Variants in AGRN observed in about 807,000 individuals in gnomAD.
AGRN encodes agrin, also known as agrin proteoglycan.
AGRN carries 106 observed loss-of-function variants against 211.0 expected under a neutral mutation model. The observed-to-expected ratio is 0.50, with a 90% CI of 0.43 to 0.59. The LOEUF is 0.59. Among genes scored for constraint, AGRN ranks in the 20% least tolerant of loss-of-function variants. AGRN has a pLI of 0.00. For missense variants in AGRN, 3,040 were observed against 2,982.6 expected (o/e 1.02, Z -0.45); for synonymous variants, 1,525 against 1,332.5 (o/e 1.14, Z -3.15).
At chr1:1,035,439 T>C in intron 3 of AGRN, 115 bp downstream of exon 3, 1 of 1,390,272 alleles carries the variant, frequency 7.2e-7, no homozygotes, top group Non-Finnish European at 1.0e-6. Context: ...AGGAGGAGGC[T>C]GGACAAGGGC....
intron 2 of AGRN, among the ~76,000 whole-genome samples, chr1:1,025,915 G>A (rs1206155363): frequency 6.6e-6 from 1 of 152,166 alleles, no homozygotes; most frequent in Admixed American, 6.5e-5. Context: ...TCGGGGCTCG[G>A]TGCTTCCCGC....
In AGRN at chr1:1,020,217, G is replaced by T. The variant is rs115173026; in HGVS notation, c.45G>T (p.Pro15=). 0.33 allele frequency: 460,451 copies of T among 1,393,132 alleles called. 77,454 individuals carry two copies. Among genetic ancestry groups the T allele is most frequent in the Non-Finnish European group, 0.34 (366,129 of 1,075,180 alleles). The allele number at this position is 1,393,132 out of a possible 1,614,324, so 86.3% of individuals were successfully genotyped here. The change falls in exon 1 of 36, where the codon CCG becomes CCT. Residue 15 remains proline (P), a synonymous_variant. Transcript: ENST00000379370. ...CGGGCCCGCTGCGGCCGCTGCTGCC[G>T]CTCCTTGTGGTGGCCGCGTGCGTCC... ...SHPGPLRPLL[P]LLVVAACVLP...
rs1478222757 is a variant in AGRN at position 1,032,589 on chromosome 1, C to T, written c.464-2688C>T. 3.3e-5 allele frequency among the ~76,000 whole-genome samples: 5 copies of T among 152,070 alleles called. No homozygotes were observed. Among genetic ancestry groups the T allele is most frequent in the African/African-American group, 9.7e-5 (4 of 41,382 alleles). On this transcript the variant is annotated intron_variant, in intron 2 of 35. Transcript: ENST00000379370. The surrounding 1 kb of genome is among the most constrained non-coding windows in gnomAD (Gnocchi z 4.7). ...GAGGTGAGGCCTGGGTGTGACCACG[C>T]GGTGGCACTGGTGGCTGCCGGCAGC...
Position 1,050,469 on chromosome 1 carries a change from C to T in AGRN, c.5019C>T (p.Pro1673=), listed in dbSNP as rs140300000. ...AGGTCGTGTTCCTGGCACGAGGCCC[C>T]AGCGGCCTCCTGCTCTACAACGGGC... The part of the protein sequence containing the change: ...ALEVVFLARG[P]SGLLLYNGQK... Residue 1673 remains proline, a synonymous_variant, in exon 29 of 36, where the codon CCC becomes CCT. Coordinates refer to ENST00000379370, the MANE Select transcript of AGRN (RefSeq NM_198576.4). The T allele has an allele frequency of 1.9e-6, 3 of 1,612,818 alleles. No individual in the cohort carries two copies. In the African/African-American group the frequency reaches 4.0e-5, roughly 22 times the overall value.
Position 1,051,246 on chromosome 1 carries a change from C to T in AGRN, c.5254-7C>T. ...TCTGCACAGCCACTTACCTGGCGTC[C>T]CCGCAGGTTCCGCACACCGTCCTCA... On this transcript the variant is annotated splice_region_variant and splice_polypyrimidine_tract_variant and intron_variant, in intron 30 of 35. Transcript: ENST00000379370. 1 of 1,581,146 alleles carries T rather than the reference C, an allele frequency of 6.3e-7. No individual in the cohort carries two copies. The highest frequency in any genetic ancestry group is 1.3e-5 in the African/African-American group (1 of 74,404).
chr1:1,037,838 C>T (rs1465450586), intron 3 of AGRN, among the ~76,000 whole-genome samples: 4 of 152,130 alleles, frequency 2.6e-5, no homozygotes, highest in Non-Finnish European at 5.9e-5. Flanking sequence ...GGAGACATCT[C>T]GGGGCGTGGC....
In AGRN at chr1:1,045,030, C is replaced by CCGGGCTCCT. The variant is rs1203730837; in HGVS notation, c.2255-129_2255-121dup. 5 of 976,878 alleles carry CCGGGCTCCT rather than the reference C, an allele frequency of 5.1e-6. No individual in the cohort carries two copies. The African/African-American group carries it at 6.5e-5, about 13-fold the overall frequency. 60.5% of individuals were successfully genotyped at this position (976,878 alleles called of 1,614,324 possible). A position where few individuals can be genotyped will look rare whatever the true frequency, so the allele number is the denominator to read the frequency against. Reference sequence around the variant, plus strand: ...CACCTGTGTCCTCAGCCCCAGGCTCCCGGGCTCCTCTGGGAGCTGGGATCG... The same window carrying CCGGGCTCCT: ...CACCTGTGTCCTCAGCCCCAGGCTCCCGGGCTCCTCGGGCTCCTCTGGGAGCTGGGATCG... On this transcript the variant is annotated intron_variant, in intron 12 of 35. Coordinates refer to ENST00000379370, the MANE Select transcript of AGRN (RefSeq NM_198576.4).
chr1:1,051,747 G>C lies in AGRN; in HGVS notation c.5583G>C (p.Ala1861=), dbSNP rs749446627. The change falls in exon 33 of 36, where the codon GCG becomes GCC. Residue 1861 remains alanine (A), a synonymous_variant. Coordinates refer to ENST00000379370, the MANE Select transcript of AGRN (RefSeq NM_198576.4). ...TCACAGGGCTGGTGGAGAAGTCAGCGGGGGACGTGGATACCTTGGCCTTTG... is the reference window on the plus strand; with the variant it reads ...TCACAGGGCTGGTGGAGAAGTCAGCCGGGGACGTGGATACCTTGGCCTTTG... ...HCEKGLVEKS[A]GDVDTLAFDG... is the part of the protein sequence containing the mutation. 2 of 1,613,866 alleles carry C rather than the reference G, an allele frequency of 1.2e-6. No homozygotes were observed. The highest frequency in any genetic ancestry group is 2.2e-5 in the South Asian group (2 of 91,086).
In AGRN at chr1:1,049,859, C is replaced by T. The variant is rs115192323; in HGVS notation, c.4745-44C>T. 8.7e-3 allele frequency: 13,974 copies of T among 1,611,396 alleles called. 807 individuals are homozygous for T. The African/African-American group carries it at 0.15, about 17-fold the overall frequency. On this transcript the variant is annotated intron_variant, in intron 26 of 35. Transcript: ENST00000379370. ...GGGCCTGTGGGCGGTACCCAACCGACGCCTCCTGGGACCTCGGTCCCGGTC... is the reference window on the plus strand; with the variant it reads ...GGGCCTGTGGGCGGTACCCAACCGATGCCTCCTGGGACCTCGGTCCCGGTC...
In AGRN at chr1:1,053,990, C is replaced by G. The variant is rs1047046075; in HGVS notation, c.5876+13C>G. On this transcript the variant is annotated intron_variant, in intron 34 of 35. Transcript: ENST00000379370. ...TCGTGGCACATAGGTGAGTAGGGAA[C>G]CCAGCGTGCCGAGAATAGTGGCGAG... 1.3e-6 allele frequency: 2 copies of G among 1,582,458 alleles called. No individual in the cohort carries two copies. Among genetic ancestry groups the G allele is most frequent in the Non-Finnish European group, 1.7e-6 (2 of 1,164,842 alleles).
Position 1,041,304 on chromosome 1 carries a change from A to T in AGRN, c.859A>T (p.Ser287Cys). The change falls in exon 5 of 36, where the codon AGC (serine) becomes TGC (cysteine). Residue 287 changes from serine to cysteine, a missense_variant. By Grantham distance (112) the Ser-to-Cys change is moderately radical. Transcript: ENST00000379370. ...RGAPEGTVCGSDGADYPGECQ... is the reference protein window; with the variant it reads ...RGAPEGTVCGCDGADYPGECQ... The stretch of plus-strand genomic sequence containing the variant: ...CGCCCCCGAGGGGACCGTCTGCGGC[A>T]GCGACGGCGCCGACTACCCCGGCGA... 6.6e-7 allele frequency: 1 copy of T among 1,518,438 alleles called. No individual in the cohort carries two copies. Among genetic ancestry groups the T allele is most frequent in the South Asian group, 1.2e-5 (1 of 82,608 alleles). The allele number at this position is 1,518,438 out of a possible 1,614,324, so 94.1% of individuals were successfully genotyped here. A position where few individuals can be genotyped will look rare whatever the true frequency, so the allele number is the denominator to read the frequency against.
At chr1:1,047,929 C>T (rs1471299280) in intron 22 of AGRN, 34 bp downstream of exon 22, 4 of 1,601,712 alleles carry the variant, frequency 2.5e-6, no homozygotes, top group African/African-American at 1.3e-5. Context: ...AGCTTACCTG[C>T]CCCCTCCTCT....
chr1:1,033,129 C>G (rs1307758657), intron 2 of AGRN, among the ~76,000 whole-genome samples: 1 of 152,002 alleles, frequency 6.6e-6, no homozygotes, highest in Non-Finnish European at 1.5e-5. Flanking sequence ...CCCCACGGAC[C>G]CGCAGGGAGT....
At chr1:1,035,673 C>A (rs1378116761) in intron 3 of AGRN, among the ~76,000 whole-genome samples, 3 of 152,182 alleles carry the variant, frequency 2.0e-5, no homozygotes, top group African/African-American at 7.2e-5. Flanking sequence ...TATTGTCCTC[C>A]CTTCTCCCTG....
intron 2 of AGRN, among the ~76,000 whole-genome samples, chr1:1,030,236 C>T: frequency 1.3e-5 from 1 of 76,840 alleles, no homozygotes; most frequent in East Asian, 4.6e-4. Context: ...TGTGTGTGTG[C>T]AGTGCATGGT....
At position 1,021,751 on chromosome 1, in the gene AGRN, G is replaced by T. The variant is rs945421755; in HGVS notation, c.202-450G>T. 1.1e-4 allele frequency among the ~76,000 whole-genome samples: 16 copies of T among 152,372 alleles called. No individual in the cohort carries two copies. In the East Asian group the frequency reaches 2.5e-3, roughly 24 times the overall value. ...GACTGTAGAAGCCCGAGGAAGGGGCGTCTCAGCCCAGCCACAGGGCCAAGC... is the reference window on the plus strand; with the variant it reads ...GACTGTAGAAGCCCGAGGAAGGGGCTTCTCAGCCCAGCCACAGGGCCAAGC... On this transcript the variant is annotated intron_variant, in intron 1 of 35. Transcript: ENST00000379370.
At chr1:1,034,747 C>T (rs1240515308) in intron 2 of AGRN, 15 of 1,008,544 alleles carry the variant, frequency 1.5e-5, no homozygotes, top group Non-Finnish European at 1.8e-5. Context: ...AAGCCCCAAC[C>T]CCGAGGCCCC....
In AGRN at chr1:1,049,416, CTT is replaced by C; in HGVS notation, c.4481_4482del (p.Phe1494CysfsTer94). ...ACGGCCTCAACCTGGACACAGACCT[CTT>C]TGTGGGCGGCGTACCCGAGGACCAG... ...TDGLNLDTDL[F>X]VGGVPEDQAA... On this transcript the variant is annotated frameshift_variant, in exon 25 of 36. Transcript: ENST00000379370. LOFTEE classifies it high-confidence loss of function. The C allele has an allele frequency of 1.3e-6, 2 of 1,599,230 alleles. No homozygotes were observed. Among genetic ancestry groups the C allele is most frequent in the Non-Finnish European group, 1.7e-6 (2 of 1,179,732 alleles).
chr1:1,020,853 G>GTT (rs1553170892), intron 1 of AGRN, among the ~76,000 whole-genome samples: 2 of 150,934 alleles, frequency 1.3e-5, no homozygotes, highest in African/African-American at 4.8e-5. Context: ...GGTGCGGGGG[G>GTT]GGGGCGTGCA....
Sources: allele counts gnomAD v4.1 joint callset (sites outside exome capture counted in the v4.1 genomes callset), GRCh38; gene constraint gnomAD v4.1.1; non-coding constraint Gnocchi (gnomAD v3.1); transcripts MANE v1.5; gene names NCBI Gene and HGNC (gene_info 2026-07-23, HGNC 2026-07-21).